The following DNAI3 variants were observed in gnomAD, a reference collection of about 807,000 sequenced individuals.
DNAI3 encodes dynein axonemal intermediate chain 3.
A neutral mutation model predicts 115.5 loss-of-function variants in DNAI3; 83 were observed. That is an observed-to-expected ratio of 0.72 (90% CI 0.60 to 0.86). The LOEUF is 0.86. Among genes scored for constraint, DNAI3 ranks in the 40% least tolerant of loss-of-function variants. The probability of loss-of-function intolerance (pLI) is 0.00; values close to 1 mark genes in which losing one functional copy is unlikely to be tolerated. For missense variants in DNAI3, 1,004 were observed against 1,075.8 expected, an observed-to-expected ratio of 0.93 and a Z score of 0.93; for synonymous variants, 320 against 347.0, an observed-to-expected ratio of 0.92 and a Z score of 0.86.
intron 11 of DNAI3, among the ~76,000 whole-genome samples, chr1:85,096,459 T>TATAA (rs1014277542): frequency 2.3e-5 from 3 of 130,172 alleles, no homozygotes; most frequent in Non-Finnish European, 5.1e-5. Context: ...TATATGTGTG[T>TATAA]ATATATATAT....
chr1:85,129,804 A>G (rs1023095025), intron 21 of DNAI3, among the ~76,000 whole-genome samples, 186 bp from the exon 22 acceptor site: 16 of 152,188 alleles, frequency 1.1e-4, no homozygotes, highest in Admixed American at 8.5e-4. Context: ...GATTTAAAGT[A>G]TCACAAAATA....
intron 8 of DNAI3, among the ~76,000 whole-genome samples, chr1:85,092,799 AC>A (rs1372723334): frequency 1.1e-4 from 4 of 37,058 alleles, no homozygotes; most frequent in African/African-American, 2.8e-4. Context: ...AAAACTACAC[AC>A]ACACACACAC....
At chr1:85,073,376 TTATGACTTTTATCAG>T (rs1654346700) in intron 3 of DNAI3, among the ~76,000 whole-genome samples, 1 of 152,204 alleles carries the variant, frequency 6.6e-6, no homozygotes, top group Non-Finnish European at 1.5e-5. Context: ...AGCCTGCAAC[TTATGACTTTTATCAG>T]ATAAGTATTT....
chr1:85,128,125 CAAAAAAAAA>C (rs11344833), intron 20 of DNAI3, among the ~76,000 whole-genome samples: 3 of 64,396 alleles, frequency 4.7e-5, no homozygotes, highest in East Asian at 5.0e-4. Context: ...GACCCTGTCT[CAAAAAAAAA>C]AAAAAAAAAA....
At chr1:85,069,314 A>G (rs951154880) in intron 1 of DNAI3, among the ~76,000 whole-genome samples, 1 of 151,906 alleles carries the variant, frequency 6.6e-6, no homozygotes, top group Non-Finnish European at 1.5e-5. Flanking sequence ...CTTTGTTCCA[A>G]TGTCCAGTTC....
intron 14 of DNAI3, among the ~76,000 whole-genome samples, chr1:85,105,295 A>C (rs1361354891): frequency 6.6e-6 from 1 of 152,176 alleles, no homozygotes; most frequent in Non-Finnish European, 1.5e-5. Context: ...GTGTTGGGGA[A>C]GATTCTGTGA....
chr1:85,096,033 A>C lies in DNAI3; in HGVS notation c.1263+13A>C. Reference sequence around the variant, plus strand: ...TATCAATGGGCAGGTACTTAACAGAATTTTTTTCAGCTATGTATTAATGTA... The same window carrying C: ...TATCAATGGGCAGGTACTTAACAGACTTTTTTTCAGCTATGTATTAATGTA... On this transcript the variant is annotated intron_variant, in intron 11 of 22. Transcript: ENST00000294664. 1 of 1,612,166 alleles carries C rather than the reference A, an allele frequency of 6.2e-7. No individual in the cohort carries two copies. Among genetic ancestry groups the C allele is most frequent in the Non-Finnish European group, 8.5e-7 (1 of 1,178,670 alleles).
At chr1:85,110,874 T>TA (rs1655642712) in intron 16 of DNAI3, among the ~76,000 whole-genome samples, 1 of 152,166 alleles carries the variant, frequency 6.6e-6, no homozygotes, top group South Asian at 2.1e-4. Context: ...ATAATATTTA[T>TA]ATGGCACCAA....
chr1:85,080,085 T>C (rs1161909696), intron 3 of DNAI3, among the ~76,000 whole-genome samples: 11 of 128,402 alleles, frequency 8.6e-5, no homozygotes, highest in Non-Finnish European at 1.4e-4. Context: ...AGAGTCTCCC[T>C]CTGTTGTCCA....
At chr1:85,074,537 T>C (rs1454812580) in intron 3 of DNAI3, among the ~76,000 whole-genome samples, 1 of 152,214 alleles carries the variant, frequency 6.6e-6, no homozygotes, top group East Asian at 1.9e-4. Context: ...ACTTTCTCTT[T>C]CTTATCATTG....
chr1:85,096,095 C>T, intron 11 of DNAI3, 75 bp downstream of exon 11: 1 of 1,373,914 alleles, frequency 7.3e-7, no homozygotes, highest in Non-Finnish European at 1.0e-6. Context: ...TTGGCAGTTC[C>T]TTGGACTTAA....
chr1:85,113,032 G>A (rs931701320), intron 16 of DNAI3, among the ~76,000 whole-genome samples: 4 of 152,210 alleles, frequency 2.6e-5, no homozygotes, highest in Admixed American at 6.5e-5. Context: ...GCCTCCCAAA[G>A]TTCCAGGATT....
At chr1:85,098,722 G>T (rs1042961334) in intron 13 of DNAI3, 64 bp downstream of exon 13, 1 of 1,581,760 alleles carries the variant, frequency 6.3e-7, no homozygotes, top group African/African-American at 1.4e-5. Context: ...TTTATGCAAA[G>T]AAGATGTTTC....
chr1:85,090,484 T>C (rs1390110858), intron 8 of DNAI3, among the ~76,000 whole-genome samples: 1 of 152,226 alleles, frequency 6.6e-6, no homozygotes, highest in Non-Finnish European at 1.5e-5. Flanking sequence ...TTTTCCTAAT[T>C]GCAGATTAAC....
At position 85,080,051 on chromosome 1, in the gene DNAI3, T is replaced by C. The variant is rs963108593; in HGVS notation, c.104-1183T>C. The stretch of plus-strand genomic sequence containing the variant: ...TTTCTTTTCTTTTTCTTTTTCTTTT[T>C]TTTTTTTTTTTTTTTTTTGAGACAG... On this transcript the variant is annotated intron_variant, in intron 3 of 22. Transcript: ENST00000294664. 1.8e-3 allele frequency among the ~76,000 whole-genome samples: 239 copies of C among 133,862 alleles called. 1 individual carries two copies. The highest frequency in any genetic ancestry group is 2.8e-3 in the Non-Finnish European group (171 of 62,142). The allele number at this position is 133,862 out of a possible 152,430, so 87.8% of individuals were successfully genotyped here.
At chr1:85,128,223 A>T (rs1656208178) in intron 20 of DNAI3, among the ~76,000 whole-genome samples, 1 of 152,102 alleles carries the variant, frequency 6.6e-6, no homozygotes, top group African/African-American at 2.4e-5. Flanking sequence ...TTAAATGTTC[A>T]AAGGCAGCTA....
intron 18 of DNAI3, 86 bp from the exon 19 acceptor site, chr1:85,124,035 C>T (rs1656060094): frequency 9.6e-6 from 15 of 1,564,976 alleles, no homozygotes; most frequent in Non-Finnish European, 1.3e-5. Flanking sequence ...GGGGCCCTGT[C>T]TGTCCATTGG....
At chr1:85,094,373 A>G in intron 9 of DNAI3, 58 bp from the exon 10 acceptor site, 1 of 1,602,546 alleles carries the variant, frequency 6.2e-7, no homozygotes, top group Non-Finnish European at 8.5e-7. Context: ...CAAAAGCTAG[A>G]GACATCTCTC....
intron 1 of DNAI3, among the ~76,000 whole-genome samples, chr1:85,070,994 A>C (rs1448924392): frequency 1.3e-5 from 2 of 152,226 alleles, no homozygotes; most frequent in African/African-American, 4.8e-5. Flanking sequence ...AAAACTTGTG[A>C]TATTTTGACC....
Sources: gnomAD v4.1 joint callset for allele counts (sites outside exome capture counted in the v4.1 genomes callset) on GRCh38, gnomAD v4.1.1 for gene constraint, MANE v1.5 for transcripts, NCBI Gene and HGNC (gene_info 2026-07-23, HGNC 2026-07-21) for gene names.